CSE1L: variants seen among roughly 807,000 people sequenced by gnomAD.
CSE1L encodes the protein chromosome segregation 1 like, also known as exportin-2.
CSE1L carries 24 observed loss-of-function variants against 120.4 expected under a neutral mutation model. The ratio of observed to expected loss-of-function variants is 0.20; its 90% CI spans 0.14 to 0.28. The LOEUF (loss-of-function observed/expected upper bound fraction) is 0.28. CSE1L is among the 10% of genes least tolerant of loss of function. CSE1L has a pLI of 1.00. For missense variants in CSE1L, 830 were observed against 1,145.2 expected (o/e 0.72, Z 3.97); for synonymous variants, 402 against 398.3 (o/e 1.01, Z -0.11).
At chr20:49,087,114 C>T (rs1316035276) in intron 16 of CSE1L, among the ~76,000 whole-genome samples, 1 of 152,128 alleles carries the variant, frequency 6.6e-6, no homozygotes, top group Non-Finnish European at 1.5e-5. Flanking sequence ...TTTTAGCTGA[C>T]AAATTTATTT....
At chr20:49,055,253 A>T (rs2091797485) in intron 1 of CSE1L, among the ~76,000 whole-genome samples, 1 of 152,244 alleles carries the variant, frequency 6.6e-6, no homozygotes, top group African/African-American at 2.4e-5. Flanking sequence ...TGAGTTTGCC[A>T]CAAACTTGTT....
chr20:49,080,906 A>G (rs1274463582), intron 14 of CSE1L, among the ~76,000 whole-genome samples: 1 of 152,104 alleles, frequency 6.6e-6, no homozygotes, highest in Non-Finnish European at 1.5e-5. Flanking sequence ...CTCCCTGAGT[A>G]GCCAAGACTA....
chr20:49,073,385 G>A (rs2123711698), intron 10 of CSE1L, among the ~76,000 whole-genome samples: 1 of 152,282 alleles, frequency 6.6e-6, no homozygotes, highest in Non-Finnish European at 1.5e-5. Context: ...AGCCCACTTA[G>A]TTTGTGCTTA....
At chr20:49,080,375 G>C (rs2092002502) in intron 14 of CSE1L, among the ~76,000 whole-genome samples, 1 of 151,298 alleles carries the variant, frequency 6.6e-6, no homozygotes, top group South Asian at 2.1e-4. Context: ...CACCATGCCT[G>C]GCCCTGGTTA....
intron 16 of CSE1L, among the ~76,000 whole-genome samples, chr20:49,086,645 G>A (rs187297134): frequency 4.8e-3 from 736 of 152,250 alleles, no homozygotes; most frequent in Non-Finnish European, 7.9e-3. Context: ...GATTACAGGT[G>A]TGAGCCACTG....
At chr20:49,071,789 C>T (rs553458011) in intron 8 of CSE1L, among the ~76,000 whole-genome samples, 1 of 152,056 alleles carries the variant, frequency 6.6e-6, no homozygotes, top group Middle Eastern at 3.4e-3. Context: ...GGTGAAACCC[C>T]GTCTCTACTA....
At chr20:49,063,109 CT>C (rs1030184099) in intron 2 of CSE1L, 92 bp from the exon 3 acceptor site, 18 of 648,300 alleles carry the variant, frequency 2.8e-5, no homozygotes, top group African/African-American at 5.0e-5. Flanking sequence ...AATCTTTTCT[CT>C]TTTTTTGATT....
intron 16 of CSE1L, among the ~76,000 whole-genome samples, chr20:49,086,321 A>G (rs1021261606): frequency 6.6e-5 from 10 of 150,558 alleles, no homozygotes; most frequent in Admixed American, 1.3e-4. Flanking sequence ...TTCCCCCAAC[A>G]ATGATGTATA....
At chr20:49,093,564 C>CTTTTT (rs11477256) in intron 22 of CSE1L, among the ~76,000 whole-genome samples, 8 of 117,582 alleles carry the variant, frequency 6.8e-5, no homozygotes, top group South Asian at 2.8e-4. Flanking sequence ...GCTCCTCTCT[C>CTTTTT]TTTTTTTTTT....
At chr20:49,057,317 C>G (rs2091816531) in intron 1 of CSE1L, among the ~76,000 whole-genome samples, 1 of 152,100 alleles carries the variant, frequency 6.6e-6, no homozygotes, top group African/African-American at 2.4e-5. Flanking sequence ...ATTTATCTCC[C>G]TAGATGCAAA....
At chr20:49,057,236 A>C (rs2091815872) in intron 1 of CSE1L, among the ~76,000 whole-genome samples, 2 of 152,102 alleles carry the variant, frequency 1.3e-5, no homozygotes, top group African/African-American at 4.8e-5. Context: ...TATGTGATTT[A>C]GTTTTGTTTA....
At chr20:49,074,176 AGTGTGTGTGTGTGTGTGTGT>A (rs71184254) in intron 10 of CSE1L, among the ~76,000 whole-genome samples, 33 of 115,456 alleles carry the variant, frequency 2.9e-4, no homozygotes, top group South Asian at 2.1e-3. Context: ...ATACAACTGC[AGTGTGTGTGTGTGTGTGTGT>A]GTGTGTGTGT....
chr20:49,074,654 A>G, intron 10 of CSE1L, 131 bp from the exon 11 acceptor site: 1 of 598,658 alleles, frequency 1.7e-6, no homozygotes, highest in South Asian at 2.2e-5. Flanking sequence ...AGAGTATATG[A>G]AGTAGTCATC....
intron 16 of CSE1L, among the ~76,000 whole-genome samples, chr20:49,087,237 C>CT (rs1242209523): frequency 1.3e-5 from 2 of 150,922 alleles, no homozygotes; most frequent in East Asian, 1.9e-4. Flanking sequence ...CTCCTAATCT[C>CT]TTTTTTTGAG....
At chr20:49,065,312 A>ATTTTTTTTTTTTT (rs1568769017) in intron 3 of CSE1L, among the ~76,000 whole-genome samples, 8 of 79,414 alleles carry the variant, frequency 1.0e-4, no homozygotes, top group Admixed American at 2.9e-4. Context: ...ATGAAAAAAA[A>ATTTTTTTTTTTTT]ATTTTTTTTT....
At chr20:49,096,940 ATGTACCTAAGAACATC>A in exon 25 of CSE1L, 1 of 154,246 alleles carries the variant, frequency 6.5e-6, no homozygotes, top group East Asian at 1.9e-4. Context: ...ATCCTAAAAT[ATGTACCTAAGAACATC>A]TTAAGGGCAG....
intron 21 of CSE1L, 21 bp downstream of exon 21, chr20:49,091,043 G>A: frequency 1.4e-6 from 2 of 1,444,312 alleles, no homozygotes; most frequent in Non-Finnish European, 1.9e-6. Context: ...TCATCTGGAT[G>A]TTCTACAGAA....
intron 2 of CSE1L, among the ~76,000 whole-genome samples, chr20:49,059,613 C>G (rs1454152731): frequency 6.6e-6 from 1 of 152,152 alleles, no homozygotes; most frequent in Non-Finnish European, 1.5e-5. Context: ...GGTGCGGTGG[C>G]TCACGCTTGT....
chr20:49,057,454 CT>C (rs535693108), intron 1 of CSE1L, among the ~76,000 whole-genome samples: 1,585 of 112,740 alleles, frequency 0.014, 11 homozygotes, highest in Admixed American at 0.017. Flanking sequence ...GTTGTGGGGC[CT>C]TTTTTTTTTT....
Sources: gnomAD v4.1 joint callset for allele counts (sites outside exome capture counted in the v4.1 genomes callset) on GRCh38, gnomAD v4.1.1 for gene constraint, MANE v1.5 for transcripts, NCBI Gene and HGNC (gene_info 2026-07-23, HGNC 2026-07-21) for gene names.